The following MPDZ variants were observed in gnomAD, a reference collection of about 807,000 sequenced individuals.
MPDZ encodes the protein multiple PDZ domain protein.
Under a neutral mutation model 239.1 loss-of-function variants are expected in MPDZ, and 234 were observed. That is an observed-to-expected ratio of 0.98 (90% CI 0.88 to 1.09). The LOEUF is 1.09. MPDZ is among the 50% of genes least tolerant of loss of function. The pLI, the probability that MPDZ is intolerant of heterozygous loss-of-function variation, is 0.00. For synonymous variants in MPDZ, 1,048 were observed against 881.3 expected, an observed-to-expected ratio of 1.19 and a Z score of -3.35; for missense variants, 3,175 against 2,510.0, an observed-to-expected ratio of 1.26 and a Z score of -5.66.
intron 3 of MPDZ, among the ~76,000 whole-genome samples, chr9:13,229,130 T>C (rs982922006): frequency 6.6e-6 from 1 of 152,128 alleles, no homozygotes; most frequent in Non-Finnish European, 1.5e-5. Flanking sequence ...GGTCACTCTG[T>C]GTGAATAACT....
intron 3 of MPDZ, among the ~76,000 whole-genome samples, chr9:13,236,225 G>GTGTGTGTA (rs1444121104): frequency 2.6e-5 from 2 of 76,764 alleles, no homozygotes; most frequent in Non-Finnish European, 5.0e-5. Flanking sequence ...GTGTGTGTGT[G>GTGTGTGTA]TATATGTATA....
At chr9:13,168,096 C>T (rs1951307006) in intron 22 of MPDZ, among the ~76,000 whole-genome samples, 1 of 152,056 alleles carries the variant, frequency 6.6e-6, no homozygotes, top group Non-Finnish European at 1.5e-5. Context: ...TCATTGCATC[C>T]CTCACTTCTA....
intron 32 of MPDZ, among the ~76,000 whole-genome samples, chr9:13,128,656 G>A (rs1945467691): frequency 6.6e-6 from 1 of 152,162 alleles, no homozygotes; most frequent in African/African-American, 2.4e-5. Flanking sequence ...TTGAACAACT[G>A]AAGTCAATTC....
intron 12 of MPDZ, among the ~76,000 whole-genome samples, chr9:13,196,852 A>G (rs2135302353): frequency 6.6e-6 from 1 of 152,136 alleles, no homozygotes; most frequent in South Asian, 2.1e-4. Context: ...TACCTAAAAC[A>G]AGAAACTGGT....
At chr9:13,150,745 T>A in intron 24 of MPDZ, 57 bp from the exon 25 acceptor site, 3 of 1,185,698 alleles carry the variant, frequency 2.5e-6, no homozygotes, top group Non-Finnish European at 3.2e-6. Context: ...TAAAGCTTCA[T>A]GATGCTGAAT....
intron 3 of MPDZ, among the ~76,000 whole-genome samples, chr9:13,228,776 C>T (rs551896554): frequency 6.6e-6 from 1 of 151,960 alleles, no homozygotes; most frequent in African/African-American, 2.4e-5. Context: ...TATCAATTCA[C>T]CTATATAGTT....
Position 13,263,301 on chromosome 9 carries a change from G to A in MPDZ, c.-57-12929C>T, listed in dbSNP as rs1971097828. On this transcript the variant is annotated intron_variant, in intron 1 of 46. Coordinates refer to ENST00000319217, the MANE Select transcript of MPDZ (RefSeq NM_001378778.1). Reference sequence around the variant, plus strand: ...TAACTATTACAAAAATAAGGCAGCCGATATGTGAAAATGTTAACAATATCT... The same window carrying A: ...TAACTATTACAAAAATAAGGCAGCCAATATGTGAAAATGTTAACAATATCT... Among the ~76,000 whole-genome samples, 3 of 150,414 alleles carry A rather than the reference G, an allele frequency of 2.0e-5. No individual in the cohort carries two copies. In the South Asian group the frequency reaches 6.3e-4, roughly 31 times the overall value.
intron 21 of MPDZ, among the ~76,000 whole-genome samples, chr9:13,172,326 AG>A (rs1462288379): frequency 6.6e-6 from 1 of 152,104 alleles, no homozygotes; most frequent in African/African-American, 2.4e-5. Context: ...TTTATATTAC[AG>A]TGTGAATGGT....
At chr9:13,146,181 G>A (rs1052924602) in intron 26 of MPDZ, among the ~76,000 whole-genome samples, 8 of 152,050 alleles carry the variant, frequency 5.3e-5, no homozygotes, top group Non-Finnish European at 1.2e-4. Context: ...AATTGCAGAT[G>A]TTGAAGTGCT....
intron 3 of MPDZ, among the ~76,000 whole-genome samples, chr9:13,240,052 AAATT>A (rs1965006936): frequency 6.6e-6 from 1 of 152,136 alleles, no homozygotes; most frequent in African/African-American, 2.4e-5. Context: ...AAAATTAAGT[AAATT>A]AATCTATTTG....
In MPDZ at chr9:13,241,232, TCTC is replaced by T. The variant is rs1965320723; in HGVS notation, c.183+6400_183+6402del. Among the ~76,000 whole-genome samples, 5 of 152,132 alleles carry T rather than the reference TCTC, an allele frequency of 3.3e-5. No homozygotes were observed. In the South Asian group the frequency reaches 1.0e-3, roughly 32 times the overall value. ...AAGAACCACTCATTCTCTTTTAACT[TCTC>T]CTAGATAATGCACACTAGAGTCTCG... On this transcript the variant is annotated intron_variant, in intron 3 of 46. Coordinates refer to ENST00000319217, the MANE Select transcript of MPDZ (RefSeq NM_001378778.1).
rs376893478 is a variant in MPDZ, at chr9:13,230,186, G to A, written c.184-5603C>T. Among the ~76,000 whole-genome samples the A allele has an allele frequency of 2.0e-5, 3 of 152,230 alleles. No individual in the cohort carries two copies. The East Asian group carries it at 5.8e-4, about 29-fold the overall frequency. On this transcript the variant is annotated intron_variant, in intron 3 of 46. Transcript: ENST00000319217. ...GGTGAGGATGTAGAGAAGCTGGATT[G>A]CTCAGACATTGCTGGTGGAAATGTA... is the stretch of plus-strand genomic sequence containing the variant.
chr9:13,254,537 C>CT (rs1968940544), intron 1 of MPDZ, among the ~76,000 whole-genome samples: 1 of 151,900 alleles, frequency 6.6e-6, no homozygotes, highest in African/African-American at 2.4e-5. Context: ...GTAAATTAAA[C>CT]TTTATCATAG....
chr9:13,182,157 A>G (rs1953425781), intron 19 of MPDZ, among the ~76,000 whole-genome samples: 1 of 152,184 alleles, frequency 6.6e-6, no homozygotes, highest in Admixed American at 6.6e-5. Context: ...TTTCCAACTT[A>G]TTCATAAATA....
chr9:13,114,113 C>G, intron 40 of MPDZ, 92 bp from the exon 41 acceptor site: 1 of 964,662 alleles, frequency 1.0e-6, no homozygotes, highest in East Asian at 2.7e-5. Flanking sequence ...GAGACAGATA[C>G]CTGTTAAGCA....
At chr9:13,138,740 G>C (rs1488388695) in intron 28 of MPDZ, among the ~76,000 whole-genome samples, 2 of 152,160 alleles carry the variant, frequency 1.3e-5, no homozygotes, top group Non-Finnish European at 2.9e-5. Flanking sequence ...ATCTTCAAGA[G>C]GTGATGGTTA....
At chr9:13,244,552 C>T (rs953298511) in intron 3 of MPDZ, among the ~76,000 whole-genome samples, 1 of 152,090 alleles carries the variant, frequency 6.6e-6, no homozygotes, top group African/African-American at 2.4e-5. Flanking sequence ...CACAATGTGG[C>T]AGAGTTAAAC....
chr9:13,224,631 A>G, intron 3 of MPDZ, 48 bp from the exon 4 acceptor site: 1 of 1,268,396 alleles, frequency 7.9e-7, no homozygotes, highest in Non-Finnish European at 1.1e-6. Flanking sequence ...TCCATAAACT[A>G]TTTCATAGAA....
At chr9:13,185,408 G>A (rs1330724808) in intron 18 of MPDZ, among the ~76,000 whole-genome samples, 1 of 151,992 alleles carries the variant, frequency 6.6e-6, no homozygotes, top group East Asian at 1.9e-4. Flanking sequence ...GAATTTAACA[G>A]GTTTTAAACC....
Sources: allele counts gnomAD v4.1 joint callset (sites outside exome capture counted in the v4.1 genomes callset), GRCh38; gene constraint gnomAD v4.1.1; transcripts MANE v1.5; gene names NCBI Gene and HGNC (gene_info 2026-07-23, HGNC 2026-07-21).